RADX: variants seen among roughly 807,000 people sequenced by gnomAD.
The protein encoded by RADX is RPA1 related single stranded DNA binding protein, X-linked.
In RADX, 36 loss-of-function variants were observed where a neutral mutation model predicts 61.6. The observed-to-expected ratio is 0.58, with a 90% CI of 0.45 to 0.77. The LOEUF (loss-of-function observed/expected upper bound fraction) is 0.77, where lower values mean the gene tolerates loss of function less well. Ranked by LOEUF, RADX falls within the 30% of genes least tolerant of loss-of-function variation. The pLI, the probability that RADX is intolerant of heterozygous loss-of-function variation, is 0.00. For synonymous variants in RADX, 272 were observed against 237.9 expected (o/e 1.14, Z -1.32); for missense variants, 497 against 651.1 (o/e 0.76, Z 2.58).
chrX:106,634,273 C>G (rs1307797936), intron 6 of RADX, among the ~76,000 whole-genome samples: 2 of 110,831 alleles, frequency 1.8e-5, no homozygotes, highest in Non-Finnish European at 3.8e-5. Context: ...GTAGCTGGGA[C>G]TATAGGAGCA....
At chrX:106,639,491 C>A (rs1927450468) in intron 8 of RADX, 36 bp from the exon 9 acceptor site, 3 of 1,090,159 alleles carry the variant, frequency 2.8e-6, no homozygotes, top group Non-Finnish European at 3.7e-6. Flanking sequence ...CATTTCAGTT[C>A]TTTAAAACTT....
intron 3 of RADX, among the ~76,000 whole-genome samples, chrX:106,630,471 T>C (rs1927189554): frequency 2.7e-5 from 3 of 111,486 alleles, no homozygotes; most frequent in Middle Eastern, 4.6e-3. Flanking sequence ...TGTCTCCTAT[T>C]ATTACTATTT....
intron 8 of RADX, chrX:106,638,132 C>T (rs984989097): frequency 3.6e-5 from 12 of 336,175 alleles, no homozygotes; most frequent in Non-Finnish European, 5.6e-5. Flanking sequence ...TCGCATGGTG[C>T]TCTAAAGATT....
At chrX:106,667,680 C>T (rs749462426) in intron 12 of RADX, among the ~76,000 whole-genome samples, 1 of 111,196 alleles carries the variant, frequency 9.0e-6, no homozygotes, top group African/African-American at 3.3e-5. Context: ...AATGCTGAAG[C>T]TCTACTCCCA....
At position 106,647,381 on chromosome X, in the gene RADX, C is replaced by CCATTCATCTGT. The variant is rs752840724; in HGVS notation, c.1905-931_1905-921dup. On this transcript the variant is annotated intron_variant, in intron 10 of 13. Transcript: ENST00000372548. ...TGTATATGTACCACATTTTCTTTAT[C>CCATTCATCTGT]CATTCATCTGTTGATGGACTCTTAG... 1.1e-4 allele frequency among the ~76,000 whole-genome samples: 12 copies of CCATTCATCTGT among 111,111 alleles called. No individual in the cohort carries two copies. In the East Asian group the frequency reaches 3.4e-3, roughly 32 times the overall value.
intron 6 of RADX, among the ~76,000 whole-genome samples, chrX:106,635,515 A>G (rs1168784919): frequency 1.8e-5 from 2 of 111,645 alleles, no homozygotes; most frequent in Non-Finnish European, 1.9e-5. Flanking sequence ...ATTAGTATTC[A>G]TATGTTTGTA....
intron 12 of RADX, among the ~76,000 whole-genome samples, chrX:106,663,431 T>C (rs1928152912): frequency 9.0e-6 from 1 of 111,452 alleles, no homozygotes; most frequent in Non-Finnish European, 1.9e-5. Context: ...TTCAAGTAGT[T>C]CATCAACTTT....
At chrX:106,633,107 A>G in intron 5 of RADX, 23 bp from the exon 6 acceptor site, 1 of 1,187,714 alleles carries the variant, frequency 8.4e-7, no homozygotes, top group Non-Finnish European at 1.1e-6. Context: ...ACCTTCATTT[A>G]TTTTAATATT....
chrX:106,621,081 A>G (rs1284310871), intron 1 of RADX, among the ~76,000 whole-genome samples: 11 of 112,035 alleles, frequency 9.8e-5, no homozygotes, highest in African/African-American at 6.5e-5. Context: ...AAGGAGCTCT[A>G]TGTGCCTTTA....
At chrX:106,631,662 C>T (rs1185187846) in intron 3 of RADX, among the ~76,000 whole-genome samples, 14 of 100,383 alleles carry the variant, frequency 1.4e-4, no homozygotes, top group African/African-American at 2.6e-4. Flanking sequence ...TATGATTGTG[C>T]CACTACACTC....
rs769323802 is a variant in RADX, at chrX:106,640,588, G to A, written c.1771G>A (p.Val591Ile). ...ACCCTCGACCTCTCAAGCAGCTAGA[G>A]TAGAAATTCAAGAAAGAAATGGTAA... ...NRPSTSQAAR[V>I]EIQERNGKRH... Residue 591 changes from valine to isoleucine, a missense_variant, in exon 10 of 14, where the codon GTA (valine) becomes ATA (isoleucine). Coordinates refer to ENST00000372548, the MANE Select transcript of RADX (RefSeq NM_018015.6). 2.5e-6 allele frequency: 3 copies of A among 1,201,563 alleles called. No individual in the cohort carries two copies. The highest frequency in any genetic ancestry group is 3.6e-5 in the South Asian group (2 of 54,878).
chrX:106,653,170 T>C (rs888804688), intron 11 of RADX, among the ~76,000 whole-genome samples: 4 of 111,400 alleles, frequency 3.6e-5, no homozygotes, highest in African/African-American at 1.3e-4. Context: ...TAGCACCTGA[T>C]AGAAATTTTT....
chrX:106,620,832 C>T (rs1049160724), intron 1 of RADX, among the ~76,000 whole-genome samples: 1 of 112,121 alleles, frequency 8.9e-6, no homozygotes, highest in African/African-American at 3.2e-5. Context: ...ACATTTATTA[C>T]TATGAATTTA....
chrX:106,612,164 G>C lies in RADX; in HGVS notation c.84G>C (p.Gly28=). The change falls in exon 1 of 14, where the codon GGG becomes GGC. Residue 28 remains glycine, a synonymous_variant. Coordinates refer to ENST00000372548, the MANE Select transcript of RADX (RefSeq NM_018015.6). ...CGAACCCTGAGAGGAATCGGGCTGG[G>C]GTCCCGGGAGGGGTGATCCGAAGAG... The part of the protein sequence containing the change: ...DWPNPERNRA[G]VPGGVIRRAG... The C allele has an allele frequency of 1.7e-6, 2 of 1,211,768 alleles. No homozygotes were observed. The highest frequency in any genetic ancestry group is 1.8e-5 in the South Asian group (1 of 56,952).
chrX:106,657,621 A>G (rs934427576), intron 11 of RADX, among the ~76,000 whole-genome samples: 9 of 111,848 alleles, frequency 8.0e-5, no homozygotes, highest in African/African-American at 2.3e-4. Flanking sequence ...AGAAAACATT[A>G]TAAGGTTATT....
At chrX:106,648,982 G>A (rs1258408616) in intron 11 of RADX, among the ~76,000 whole-genome samples, 5 of 110,680 alleles carry the variant, frequency 4.5e-5, no homozygotes, top group African/African-American at 1.6e-4. Context: ...ATGTCTCAAC[G>A]AACCTTTCCA....
intron 13 of RADX, among the ~76,000 whole-genome samples, chrX:106,672,455 T>C (rs1051127792): frequency 9.3e-6 from 1 of 107,899 alleles, no homozygotes; most frequent in African/African-American, 3.6e-5. Context: ...CTTGTTTTCT[T>C]CCCTTATTTT....
At chrX:106,667,833 G>C (rs1353465357) in intron 12 of RADX, among the ~76,000 whole-genome samples, 1 of 111,071 alleles carries the variant, frequency 9.0e-6, no homozygotes, top group Non-Finnish European at 1.9e-5. Flanking sequence ...AAGTTGGAAC[G>C]GTCAATGGTA....
intron 13 of RADX, among the ~76,000 whole-genome samples, chrX:106,676,424 A>T (rs1308695018): frequency 8.9e-6 from 1 of 112,014 alleles, no homozygotes; most frequent in East Asian, 2.8e-4. Context: ...GGGTCCCACA[A>T]AACCTGGATC....
Sources: allele counts gnomAD v4.1 joint callset (sites outside exome capture counted in the v4.1 genomes callset), GRCh38; gene constraint gnomAD v4.1.1; transcripts MANE v1.5; gene names NCBI Gene and HGNC (gene_info 2026-07-23, HGNC 2026-07-21).